Variants in CDK8 observed in about 807,000 individuals in gnomAD.
The protein encoded by CDK8 is cyclin-dependent kinase 8.
A neutral mutation model predicts 71.5 loss-of-function variants in CDK8; 29 were observed. The observed-to-expected ratio is 0.41, with a 90% CI of 0.30 to 0.55. The LOEUF (loss-of-function observed/expected upper bound fraction) is 0.55, where lower values mean the gene tolerates loss of function less well. CDK8 is among the 20% of genes least tolerant of loss of function. CDK8 has a pLI of 0.37. For missense variants in CDK8, 288 were observed against 572.6 expected (o/e 0.50, Z 5.07); for synonymous variants, 161 against 192.1 (o/e 0.84, Z 1.34).
intron 1 of CDK8, among the ~76,000 whole-genome samples, chr13:26,255,515 TA>T (rs1318947213): frequency 6.6e-6 from 1 of 152,178 alleles, no homozygotes; most frequent in East Asian, 1.9e-4. Flanking sequence ...ACAACTTAAT[TA>T]AACCTATGAC....
rs188583681 is a variant in CDK8, at chr13:26,265,378, C to T, written c.128+10609C>T. On this transcript the variant is annotated intron_variant, in intron 1 of 12. Transcript: ENST00000381527. ...GTTGCCATGGAAGTACCTAATCTGCCCTTGGGGAGCTCAAGTATATTTCAC... is the reference window on the plus strand; with the variant it reads ...GTTGCCATGGAAGTACCTAATCTGCTCTTGGGGAGCTCAAGTATATTTCAC... Among the ~76,000 whole-genome samples the T allele has an allele frequency of 3.7e-3, 557 of 152,128 alleles. 1 individual carries two copies. The highest frequency in any genetic ancestry group is 6.0e-3 in the Non-Finnish European group (408 of 67,996).
intron 1 of CDK8, among the ~76,000 whole-genome samples, chr13:26,270,981 G>A (rs543093436): frequency 6.6e-6 from 1 of 152,252 alleles, no homozygotes; most frequent in African/African-American, 2.4e-5. Flanking sequence ...GCCAACACTT[G>A]TTTTCTGCCT....
intron 1 of CDK8, among the ~76,000 whole-genome samples, chr13:26,286,763 C>T (rs1383116842): frequency 6.6e-6 from 1 of 152,118 alleles, no homozygotes; most frequent in African/African-American, 2.4e-5. Flanking sequence ...GTGCATCTGA[C>T]AAAGGACTAA....
chr13:26,381,176 G>A (rs997160751), intron 4 of CDK8, among the ~76,000 whole-genome samples: 1 of 152,164 alleles, frequency 6.6e-6, no homozygotes, highest in Non-Finnish European at 1.5e-5. Context: ...GCATAAACAT[G>A]GAAGTTTCTT....
intron 9 of CDK8, among the ~76,000 whole-genome samples, chr13:26,398,879 G>A (rs955687635): frequency 2.7e-5 from 4 of 150,896 alleles, no homozygotes; most frequent in Admixed American, 6.6e-5. Context: ...CAGGAGAATC[G>A]CTTGAACCCA....
At chr13:26,376,526 T>A (rs1343444833) in intron 4 of CDK8, among the ~76,000 whole-genome samples, 5 of 152,236 alleles carry the variant, frequency 3.3e-5, no homozygotes. Context: ...TAGAAGTAAG[T>A]TGTATCTGTG....
chr13:26,288,217 C>G (rs543454173), intron 1 of CDK8, among the ~76,000 whole-genome samples: 865 of 152,286 alleles, frequency 5.7e-3, no homozygotes, highest in Non-Finnish European at 8.4e-3. Context: ...CTGCCTCGAC[C>G]TCCTAAAGTG....
chr13:26,363,047 G>A (rs1357069763), intron 4 of CDK8, among the ~76,000 whole-genome samples: 1 of 149,902 alleles, frequency 6.7e-6, no homozygotes, highest in African/African-American at 2.5e-5. Flanking sequence ...TAGAAATTTG[G>A]AGTATTTCTC....
intron 8 of CDK8, among the ~76,000 whole-genome samples, chr13:26,396,560 TAGC>T (rs1240080641): frequency 1.3e-5 from 2 of 152,138 alleles, no homozygotes; most frequent in African/African-American, 4.8e-5. Flanking sequence ...TGACTAATAT[TAGC>T]AGCTGATTTG....
intron 1 of CDK8, among the ~76,000 whole-genome samples, chr13:26,322,702 T>C (rs1874831118): frequency 6.6e-6 from 1 of 152,224 alleles, no homozygotes; most frequent in South Asian, 2.1e-4. Flanking sequence ...TTGGTACTTA[T>C]CTGACTCGAG....
chr13:26,355,918 C>G (rs750182844), intron 4 of CDK8, among the ~76,000 whole-genome samples: 1 of 151,814 alleles, frequency 6.6e-6, no homozygotes, highest in Non-Finnish European at 1.5e-5. Context: ...GTTTTTAAAA[C>G]CAATATTTAA....
rs554633322 is a variant in CDK8 at position 26,362,436 on chromosome 13, CTCAG to C, written c.456+8561_456+8564del. On this transcript the variant is annotated intron_variant, in intron 4 of 12. Coordinates refer to ENST00000381527, the MANE Select transcript of CDK8 (RefSeq NM_001260.3). Reference sequence around the variant, plus strand: ...GAATGAGGGAGCTGATGGCATAACTCTCAGTCAGAGGCCAAAGGTTTGAGAAGCT... The same window carrying C: ...GAATGAGGGAGCTGATGGCATAACTCTCAGAGGCCAAAGGTTTGAGAAGCT... 2.8e-3 allele frequency among the ~76,000 whole-genome samples: 421 copies of C among 152,248 alleles called. 4 individuals carry two copies. Among genetic ancestry groups the C allele is most frequent in the African/African-American group, 8.9e-3 (371 of 41,548 alleles).
chr13:26,336,460 A>G lies in CDK8; in HGVS notation c.129-1107A>G, dbSNP rs190726560. ...AATAAACCAAAGCTTGTCAGGGTCC[A>G]CAGTAATTTTCAAGAGAATAAAGGG... On this transcript the variant is annotated intron_variant, in intron 1 of 12. Coordinates refer to ENST00000381527, the MANE Select transcript of CDK8 (RefSeq NM_001260.3). Among the ~76,000 whole-genome samples the G allele has an allele frequency of 4.2e-3, 643 of 152,220 alleles. 2 individuals carry two copies. Among genetic ancestry groups the G allele is most frequent in the Non-Finnish European group, 7.2e-3 (489 of 67,984 alleles).
intron 2 of CDK8, among the ~76,000 whole-genome samples, chr13:26,348,349 A>T (rs1873546489): frequency 6.6e-6 from 1 of 152,180 alleles, no homozygotes; most frequent in Non-Finnish European, 1.5e-5. Context: ...GCCGTACAGC[A>T]GGAGGTGAGC....
intron 4 of CDK8, among the ~76,000 whole-genome samples, chr13:26,378,703 A>G (rs1875073119): frequency 6.6e-6 from 1 of 152,180 alleles, no homozygotes; most frequent in African/African-American, 2.4e-5. Context: ...AAAGTTCTAT[A>G]TGTTCTTTTA....
intron 4 of CDK8, among the ~76,000 whole-genome samples, chr13:26,363,327 C>CAAAAAATAAAAAA (rs1874235275): frequency 2.2e-5 from 1 of 45,240 alleles, no homozygotes; most frequent in South Asian, 1.4e-3. Flanking sequence ...GACTCCATCT[C>CAAAAAATAAAAAA]AAAAAAAAAA....
At chr13:26,359,207 C>T (rs935771096) in intron 4 of CDK8, among the ~76,000 whole-genome samples, 23 of 151,894 alleles carry the variant, frequency 1.5e-4, no homozygotes, top group African/African-American at 5.6e-4. Flanking sequence ...ATGGTGGTTG[C>T]CAGGGCTGAG....
intron 12 of CDK8, among the ~76,000 whole-genome samples, chr13:26,402,083 A>G (rs1406878935): frequency 2.0e-5 from 3 of 152,244 alleles, no homozygotes; most frequent in East Asian, 3.8e-4. Flanking sequence ...TCCTTGAGTA[A>G]GTGATTCAGA....
At chr13:26,375,936 T>G (rs1326353559) in intron 4 of CDK8, among the ~76,000 whole-genome samples, 1 of 152,200 alleles carries the variant, frequency 6.6e-6, no homozygotes, top group Non-Finnish European at 1.5e-5. Flanking sequence ...AGGAGCATAA[T>G]TTTACACTGG....
Sources: gnomAD v4.1 joint callset for allele counts (sites outside exome capture counted in the v4.1 genomes callset) on GRCh38, gnomAD v4.1.1 for gene constraint, MANE v1.5 for transcripts, NCBI Gene and HGNC (gene_info 2026-07-23, HGNC 2026-07-21) for gene names.